TRAPPC9: variants seen among roughly 807,000 people sequenced by gnomAD.
The protein encoded by TRAPPC9 is IKK2 binding protein.
Under a neutral mutation model 124.0 loss-of-function variants are expected in TRAPPC9, and 83 were observed. The observed-to-expected ratio is 0.67, with a 90% CI of 0.56 to 0.80. The LOEUF is 0.80. TRAPPC9 is among the 30% of genes least tolerant of loss of function. TRAPPC9 has a pLI of 0.00. For missense variants in TRAPPC9, 1,302 were observed against 1,508.3 expected (o/e 0.86, Z 2.27); for synonymous variants, 638 against 617.5 (o/e 1.03, Z -0.49).
At chr8:140,430,710 C>G (rs2070608945) in intron 4 of TRAPPC9, among the ~76,000 whole-genome samples, 1 of 152,230 alleles carries the variant, frequency 6.6e-6, no homozygotes, top group South Asian at 2.1e-4. Flanking sequence ...AGAATCTCAG[C>G]TCACTGCAAC....
chr8:140,386,464 A>C (rs973213273), intron 7 of TRAPPC9, among the ~76,000 whole-genome samples: 2 of 152,260 alleles, frequency 1.3e-5, no homozygotes, highest in East Asian at 3.8e-4. Flanking sequence ...CAACTTCAGC[A>C]AAGTCTCAGG....
chr8:139,781,146 A>G (rs901400280), intron 21 of TRAPPC9, among the ~76,000 whole-genome samples: 4 of 152,198 alleles, frequency 2.6e-5, no homozygotes, highest in African/African-American at 7.2e-5. Flanking sequence ...ATAATCTAGC[A>G]GTCACACTTC....
In TRAPPC9 at chr8:140,402,853, GAA is replaced by G. The variant is rs1346175535; in HGVS notation, c.1008+2722_1008+2723del. On this transcript the variant is annotated intron_variant, in intron 6 of 22. Transcript: ENST00000438773. ...TACAGGTAAGAATTCAAATCAAAAA[GAA>G]AAAAATATGAATTCAATACATTGTG... 2.6e-4 allele frequency among the ~76,000 whole-genome samples: 39 copies of G among 151,746 alleles called. 1 individual carries two copies. Among genetic ancestry groups the G allele is most frequent in the Non-Finnish European group, 2.9e-5 (2 of 67,940 alleles).
intron 22 of TRAPPC9, 53 bp downstream of exon 22, chr8:139,731,926 A>G: frequency 1.3e-6 from 2 of 1,505,826 alleles, no homozygotes; most frequent in Non-Finnish European, 1.8e-6. Flanking sequence ...GGAAGGGGGG[A>G]TGATGACCAC....
At chr8:140,267,999 A>G (rs1286479975) in intron 15 of TRAPPC9, among the ~76,000 whole-genome samples, 1 of 152,094 alleles carries the variant, frequency 6.6e-6, no homozygotes, top group Non-Finnish European at 1.5e-5. Flanking sequence ...GAGATATAAA[A>G]TAACTCTATC....
chr8:139,914,876 T>C (rs1384836407), intron 19 of TRAPPC9: 2 of 152,122 alleles, frequency 1.3e-5, no homozygotes, highest in African/African-American at 4.8e-5. Context: ...TCGTCCTGGG[T>C]TTAAGCTTAA....
At chr8:140,426,528 C>T (rs1043070108) in intron 5 of TRAPPC9, 87 bp downstream of exon 5, 56 of 1,273,094 alleles carry the variant, frequency 4.4e-5, no homozygotes, top group Non-Finnish European at 6.3e-5. Context: ...AGATCATCAT[C>T]CAGAAATTTT....
chr8:140,272,930 C>T (rs564138804), intron 15 of TRAPPC9, among the ~76,000 whole-genome samples: 1 of 151,910 alleles, frequency 6.6e-6, no homozygotes, highest in South Asian at 2.1e-4. Flanking sequence ...GGACACACAC[C>T]TAAACCACAG....
intron 17 of TRAPPC9, among the ~76,000 whole-genome samples, chr8:140,199,728 T>C (rs1048662240): frequency 8.5e-5 from 13 of 152,338 alleles, no homozygotes; most frequent in South Asian, 2.1e-4. Flanking sequence ...CATTTTTTTA[T>C]TGCAGACTCT....
intron 15 of TRAPPC9, among the ~76,000 whole-genome samples, chr8:140,260,350 C>T (rs1192116760): frequency 6.6e-6 from 1 of 152,016 alleles, no homozygotes; most frequent in Non-Finnish European, 1.5e-5. Context: ...TACAAGAGGG[C>T]CAGGGAATCA....
intron 17 of TRAPPC9, among the ~76,000 whole-genome samples, chr8:140,219,815 C>T (rs1013450956): frequency 1.3e-5 from 2 of 152,174 alleles, no homozygotes; most frequent in Admixed American, 6.6e-5. Flanking sequence ...TCAGGACAAA[C>T]CAGAGAGGGC....
intron 17 of TRAPPC9, among the ~76,000 whole-genome samples, chr8:140,192,250 G>A (rs553247936): frequency 5.1e-4 from 77 of 152,214 alleles, no homozygotes; most frequent in Non-Finnish European, 3.1e-4. Context: ...AAAGGGTTTC[G>A]GAAAGTTAAA....
At chr8:139,739,301 G>A (rs374522974) in intron 21 of TRAPPC9, among the ~76,000 whole-genome samples, 1 of 152,160 alleles carries the variant, frequency 6.6e-6, no homozygotes, top group Non-Finnish European at 1.5e-5. Flanking sequence ...CACCCGCCCC[G>A]CCCTGGCTGG....
chr8:140,149,154 G>A (rs1162502509), intron 17 of TRAPPC9, among the ~76,000 whole-genome samples: 1 of 152,036 alleles, frequency 6.6e-6, no homozygotes, highest in Non-Finnish European at 1.5e-5. Flanking sequence ...GCAGGCATCC[G>A]AGATGTCACC....
intron 17 of TRAPPC9, among the ~76,000 whole-genome samples, chr8:140,181,388 G>A (rs1194261064): frequency 6.6e-6 from 1 of 152,176 alleles, no homozygotes; most frequent in Non-Finnish European, 1.5e-5. Context: ...ATCCTCCCAA[G>A]TAACTGGGAT....
intron 21 of TRAPPC9, among the ~76,000 whole-genome samples, chr8:139,775,623 G>A (rs963732526): frequency 4.6e-5 from 7 of 152,316 alleles, no homozygotes; most frequent in African/African-American, 1.4e-4. Context: ...GGCCAGCCTG[G>A]TTTCCCCCAT....
intron 17 of TRAPPC9, among the ~76,000 whole-genome samples, chr8:140,210,840 A>T (rs1291571265): frequency 6.6e-6 from 1 of 152,114 alleles, no homozygotes; most frequent in Non-Finnish European, 1.5e-5. Flanking sequence ...TCCTCACACA[A>T]ATCAGGCTGC....
intron 17 of TRAPPC9, among the ~76,000 whole-genome samples, chr8:140,195,982 T>C (rs2062653159): frequency 1.3e-5 from 2 of 148,512 alleles, no homozygotes; most frequent in African/African-American, 5.0e-5. Flanking sequence ...ACCGTACAGA[T>C]CACACCTGTG....
At chr8:139,965,953 G>C (rs1835680741) in intron 19 of TRAPPC9, among the ~76,000 whole-genome samples, 1 of 152,336 alleles carries the variant, frequency 6.6e-6, no homozygotes, top group South Asian at 2.1e-4. Flanking sequence ...AAGGCCTTCC[G>C]GCACAGCACC....
Sources: gnomAD v4.1 joint callset for allele counts (sites outside exome capture counted in the v4.1 genomes callset) on GRCh38, gnomAD v4.1.1 for gene constraint, MANE v1.5 for transcripts, NCBI Gene and HGNC (gene_info 2026-07-23, HGNC 2026-07-21) for gene names.